The following TROAP variants were observed in gnomAD, a reference collection of about 807,000 sequenced individuals.
The protein encoded by TROAP is tastin.
TROAP carries 62 observed loss-of-function variants against 83.4 expected under a neutral mutation model. That is an observed-to-expected ratio of 0.74 (90% CI 0.61 to 0.92). TROAP has a LOEUF of 0.92. Among genes scored for constraint, TROAP ranks in the 40% least tolerant of loss-of-function variants. The probability of loss-of-function intolerance (pLI) is 0.00; values close to 1 mark genes in which losing one functional copy is unlikely to be tolerated. For missense variants in TROAP, 876 were observed against 985.1 expected, an observed-to-expected ratio of 0.89 and a Z score of 1.48; for synonymous variants, 352 against 386.4, an observed-to-expected ratio of 0.91 and a Z score of 1.04.
intron 8 of TROAP, among the ~76,000 whole-genome samples, chr12:49,328,211 G>T (rs1264653593): frequency 1.4e-5 from 2 of 141,190 alleles, no homozygotes; most frequent in African/African-American, 5.3e-5. Flanking sequence ...ATTTGACTTA[G>T]GTCTTTTTTT....
At chr12:49,326,790 A>G (rs1034399752) in intron 7 of TROAP, 70 bp downstream of exon 7, 1 of 1,513,134 alleles carries the variant, frequency 6.6e-7, no homozygotes, top group Admixed American at 2.0e-5. Context: ...AAGACCAGAG[A>G]AAACTCAGCA....
intron 14 of TROAP, 29 bp downstream of exon 14, chr12:49,331,436 G>T: frequency 6.2e-7 from 1 of 1,609,050 alleles, no homozygotes; most frequent in Non-Finnish European, 8.5e-7. Flanking sequence ...GCCCAGCTGT[G>T]GCTGCACAGT....
At chr12:49,328,214 CTTTTTT>C (rs981259606) in intron 8 of TROAP, among the ~76,000 whole-genome samples, 6 of 77,364 alleles carry the variant, frequency 7.8e-5, no homozygotes, top group Admixed American at 1.3e-4. Flanking sequence ...TGACTTAGGT[CTTTTTT>C]TTTTTTTTTT....
intron 5 of TROAP, 91 bp from the exon 6 acceptor site, chr12:49,325,985 A>G: frequency 6.2e-7 from 1 of 1,605,522 alleles, no homozygotes; most frequent in Non-Finnish European, 8.5e-7. Context: ...GAGGCAAGGG[A>G]TCCTACTGGG....
chr12:49,329,657 C>A lies in TROAP; in HGVS notation c.1165-200C>A. The A allele has an allele frequency of 1.0e-6, 1 of 1,003,400 alleles. No individual in the cohort carries two copies. Among genetic ancestry groups the A allele is most frequent in the Non-Finnish European group, 1.5e-6 (1 of 678,054 alleles). 62.2% of individuals were successfully genotyped at this position (1,003,400 alleles called of 1,614,324 possible). ...CCTGGGCAACATAGTGAGACCCTGT[C>A]TCCACTAAAATTTTAAAAATTAGAA... On this transcript the variant is annotated intron_variant, in intron 11 of 14. Transcript: ENST00000257909. This position sits in a 1 kb window ranked among gnomAD's most constrained non-coding sequence, Gnocchi z 4.5.
intron 8 of TROAP, 99 bp from the exon 9 acceptor site, chr12:49,328,828 G>A (rs1335689998): frequency 6.9e-7 from 1 of 1,459,336 alleles, no homozygotes; most frequent in Admixed American, 2.4e-5. Context: ...CGCGCCACTG[G>A]ACTCCATCCT....
At position 49,328,979 on chromosome 12, in the gene TROAP, T is replaced by G. The variant is rs775428301; in HGVS notation, c.944T>G (p.Leu315Trp). 3.9e-5 allele frequency: 62 copies of G among 1,608,760 alleles called. No individual in the cohort carries two copies. The highest frequency in any genetic ancestry group is 1.2e-5 in the Non-Finnish European group (14 of 1,176,632). Residue 315 changes from leucine to tryptophan, a missense_variant, in exon 9 of 15, where the codon TTG (leucine) becomes TGG (tryptophan). By Grantham distance (61) the Leu-to-Trp change is moderately conservative (BLOSUM62 -2). Around this residue, in one of 3 missense-constraint regions of TROAP, gnomAD observed 689 missense variants for 722.6 expected, o/e 0.95. Coordinates refer to ENST00000257909, the MANE Select transcript of TROAP (RefSeq NM_005480.4). ...TCCCCTGCCCCTGTGGCCCAGCCCT[T>G]GCCTGGCCATGTGGTGCCATGTCCA... ...MPSPAPVAQP[L>W]PGHVVPCPSP...
Position 49,331,301 on chromosome 12 carries a change from G to T in TROAP, c.2186G>T (p.Arg729Leu), listed in dbSNP as rs772214672. The change falls in exon 14 of 15, where the codon CGT (arginine) becomes CTT (leucine). Residue 729 changes from arginine to leucine, a missense_variant. Physicochemically the swap from Arg to Leu is moderately radical, Grantham distance 102. Coordinates refer to ENST00000257909, the MANE Select transcript of TROAP (RefSeq NM_005480.4). Reference protein sequence around the residue: ...LTAIHCFHEARLDDECAFYTS... With the variant: ...LTAIHCFHEALLDDECAFYTS... Reference sequence around the variant, plus strand: ...GCCATCCACTGCTTCCACGAGGCTCGTCTGGACGATGAGTGTGCCTTTTAC... The same window carrying T: ...GCCATCCACTGCTTCCACGAGGCTCTTCTGGACGATGAGTGTGCCTTTTAC... 1 of 1,614,184 alleles carries T rather than the reference G, an allele frequency of 6.2e-7. No individual in the cohort carries two copies. The highest frequency in any genetic ancestry group is 2.2e-5 in the East Asian group (1 of 44,882).
rs768423171 is a variant in TROAP, at chr12:49,330,394, C to T, written c.1549C>T (p.Pro517Ser). 6.2e-7 allele frequency: 1 copy of T among 1,614,174 alleles called. No homozygotes were observed. The highest frequency in any genetic ancestry group is 8.5e-7 in the Non-Finnish European group (1 of 1,180,002). The change falls in exon 13 of 15, where the codon CCG (proline) becomes TCG (serine). Residue 517 changes from proline (P) to serine (S), a missense_variant. This residue lies in a region of TROAP where 689 missense variants were observed against 722.6 expected (regional missense o/e 0.95). Transcript: ENST00000257909. The part of the protein sequence containing the change: ...EECGEPQPCP[P>S]AEPGPPEAFC... ...GTGCGGGGAACCACAGCCCTGCCCT[C>T]CGGCAGAGCCTGGGCCCCCAGAGGC...
At chr12:49,328,381 G>A (rs1339059202) in intron 8 of TROAP, among the ~76,000 whole-genome samples, 3 of 151,814 alleles carry the variant, frequency 2.0e-5, no homozygotes, top group East Asian at 2.0e-4. Flanking sequence ...GCACCACCAC[G>A]CCTGGCTAAT....
At position 49,324,031 on chromosome 12, in the gene TROAP, C is replaced by T. The variant is rs780706790; in HGVS notation, c.331C>T (p.Gln111Ter). The T allele has an allele frequency of 6.8e-6, 11 of 1,612,988 alleles. No homozygotes were observed. The highest frequency in any genetic ancestry group is 1.7e-5 in the Admixed American group (1 of 59,880). The change falls in exon 3 of 15, where the codon CAG becomes TAG. Residue 111 changes from glutamine (Q) to a stop codon, truncating the protein, a stop_gained. Transcript: ENST00000257909. LOFTEE classifies it high-confidence loss of function. ...GQNVGPGPPA[Q>*]TEAPGTIEFV... ...AAATGTGGGGCCTGGGCCCCCTGCC[C>T]AGACAGGTACCTGTTGGAGCCATGG...
chr12:49,324,078 G>C, intron 3 of TROAP, 41 bp downstream of exon 3: 1 of 1,612,542 alleles, frequency 6.2e-7, no homozygotes, highest in Non-Finnish European at 8.5e-7. Context: ...CCATGGCTGA[G>C]TAGGGGACTA....
Position 49,329,801 on chromosome 12 carries a change from T to C in TROAP, c.1165-56T>C. 1 of 1,595,060 alleles carries C rather than the reference T, an allele frequency of 6.3e-7. No homozygotes were observed. The highest frequency in any genetic ancestry group is 1.1e-5 in the South Asian group (1 of 87,436). ...TTCCTCATGAGGGTGGGACTCAGGC[T>C]GGTCTTTCTCCTGCCCCAGCCTGGC... On this transcript the variant is annotated intron_variant, in intron 11 of 14. Transcript: ENST00000257909. This position sits in a 1 kb window ranked among gnomAD's most constrained non-coding sequence, Gnocchi z 4.5.
Position 49,331,399 on chromosome 12 carries a change from G to A in TROAP, c.2284G>A (p.Asp762Asn). 6.2e-7 allele frequency: 1 copy of A among 1,613,102 alleles called. No homozygotes were observed. Among genetic ancestry groups the A allele is most frequent in the Non-Finnish European group, 8.5e-7 (1 of 1,179,302 alleles). Residue 762 changes from aspartate to asparagine, a missense_variant, in exon 14 of 15, where the codon GAT becomes AAT. Coordinates refer to ENST00000257909, the MANE Select transcript of TROAP (RefSeq NM_005480.4). Reference protein sequence around the residue: ...NPVATLLEWQDALCFIPVGSA... With the variant: ...NPVATLLEWQNALCFIPVGSA... ...TGTGGCTACATTACTCGAATGGCAG[G>A]ATGCCCTGGTGAGACTCCAACCCAC... is the stretch of plus-strand genomic sequence containing the variant.
At position 49,329,317 on chromosome 12, in the gene TROAP, G is replaced by A. The variant is rs1299325307; in HGVS notation, c.1104+73G>A. ...AGAAAGGAGATGGATGGGTACAGGAGAGAGAAGACAGAAGCAAGGGGAGGC... is the reference window on the plus strand; with the variant it reads ...AGAAAGGAGATGGATGGGTACAGGAAAGAGAAGACAGAAGCAAGGGGAGGC... On this transcript the variant is annotated intron_variant, in intron 10 of 14. Coordinates refer to ENST00000257909, the MANE Select transcript of TROAP (RefSeq NM_005480.4). The surrounding 1 kb of genome is among the most constrained non-coding windows in gnomAD (Gnocchi z 4.5). The A allele has an allele frequency of 6.2e-7, 1 of 1,613,104 alleles. No homozygotes were observed. The highest frequency in any genetic ancestry group is 2.2e-5 in the East Asian group (1 of 44,890).
Position 49,329,631 on chromosome 12 carries a change from GC to G in TROAP, c.1164+179del. 1.0e-6 allele frequency: 1 copy of G among 986,310 alleles called. No homozygotes were observed. Among genetic ancestry groups the G allele is most frequent in the Non-Finnish European group, 1.5e-6 (1 of 667,728 alleles). 61.1% of individuals were successfully genotyped at this position (986,310 alleles called of 1,614,324 possible). A position where few individuals can be genotyped will look rare whatever the true frequency, so the allele number is the denominator to read the frequency against. On this transcript the variant is annotated intron_variant, in intron 11 of 14. Coordinates refer to ENST00000257909, the MANE Select transcript of TROAP (RefSeq NM_005480.4). The surrounding 1 kb of genome is among the most constrained non-coding windows in gnomAD (Gnocchi z 4.5). ...GCTTGAGCTCAGATCTTTGAGACCA[GC>G]CTGGGCAACATAGTGAGACCCTGTC...
chr12:49,324,206 CT>C, intron 3 of TROAP, 169 bp downstream of exon 3: 1 of 1,614,094 alleles, frequency 6.2e-7, no homozygotes. Flanking sequence ...TCTCCCTTTC[CT>C]CCAGCAAAAT....
At position 49,325,599 on chromosome 12, in the gene TROAP, A is replaced by G; in HGVS notation, c.436A>G (p.Ser146Gly). Residue 146 changes from serine (S) to glycine (G), a missense_variant, in exon 4 of 15, where the codon AGT becomes GGT. Transcript: ENST00000257909. ...GAGCTGTCACCTGGGGCGCCAGCCT[A>G]GTCTGGCTAAAAGAGTACTGGTTCG... The part of the protein sequence containing the change: ...VKSCHLGRQP[S>G]LAKRVLVRGS... The G allele has an allele frequency of 6.2e-7, 1 of 1,613,964 alleles. No homozygotes were observed. Among genetic ancestry groups the G allele is most frequent in the Non-Finnish European group, 8.5e-7 (1 of 1,180,022 alleles).
intron 8 of TROAP, among the ~76,000 whole-genome samples, chr12:49,328,461 G>A (rs1465529022): frequency 6.6e-6 from 1 of 152,012 alleles, no homozygotes; most frequent in Non-Finnish European, 1.5e-5. Flanking sequence ...GACCTCAGGT[G>A]CTCCACCCTC....
Sources: gnomAD v4.1 joint callset for allele counts (sites outside exome capture counted in the v4.1 genomes callset) on GRCh38, gnomAD v4.1.1 for gene constraint, gnomAD v4.1.1 regional missense constraint, Gnocchi (gnomAD v3.1) non-coding constraint, MANE v1.5 for transcripts, NCBI Gene and HGNC (gene_info 2026-07-23, HGNC 2026-07-21) for gene names.